The following RADX variants were observed in gnomAD, a reference collection of about 807,000 sequenced individuals.
RADX encodes RPA-related protein RADX.
A neutral mutation model predicts 61.6 loss-of-function variants in RADX; 36 were observed. That is an observed-to-expected ratio of 0.58 (90% CI 0.45 to 0.77). The LOEUF (loss-of-function observed/expected upper bound fraction) is 0.77. RADX is among the 30% of genes least tolerant of loss of function. The pLI is 0.00. For missense variants in RADX, 497 were observed against 651.1 expected, an observed-to-expected ratio of 0.76 and a Z score of 2.58; for synonymous variants, 272 against 237.9, an observed-to-expected ratio of 1.14 and a Z score of -1.32.
intron 13 of RADX, among the ~76,000 whole-genome samples, chrX:106,676,051 A>G (rs751177452): frequency 1.1e-3 from 123 of 112,144 alleles, no homozygotes; most frequent in Middle Eastern, 4.6e-3. Flanking sequence ...AGACTTATTT[A>G]TATTTTATGT....
chrX:106,664,877 T>C lies in RADX; in HGVS notation c.2269+2572T>C, dbSNP rs1301397163. Among the ~76,000 whole-genome samples, 4 of 110,984 alleles carry C rather than the reference T, an allele frequency of 3.6e-5. No homozygotes were observed. In the East Asian group the frequency reaches 1.1e-3, roughly 32 times the overall value. On this transcript the variant is annotated intron_variant, in intron 12 of 13. Coordinates refer to ENST00000372548, the MANE Select transcript of RADX (RefSeq NM_018015.6). ...AAGAACACATCCTGTCCATCAGGTG[T>C]AAAGGAGTAGATTAAAGGTTGAAAA...
At chrX:106,667,221 GA>G (rs1014258634) in intron 12 of RADX, among the ~76,000 whole-genome samples, 1 of 111,915 alleles carries the variant, frequency 8.9e-6, no homozygotes, top group Non-Finnish European at 1.9e-5. Flanking sequence ...GTTATCTGGG[GA>G]AAAACCATTC....
intron 11 of RADX, among the ~76,000 whole-genome samples, chrX:106,649,833 T>C (rs1450429600): frequency 9.0e-6 from 1 of 111,451 alleles, no homozygotes; most frequent in Admixed American, 9.6e-5. Flanking sequence ...ATGGTAAATC[T>C]GGCCGATTGA....
rs548057600 is a variant in RADX at position 106,655,017 on chromosome X, G to A, written c.1978+6631G>A. On this transcript the variant is annotated intron_variant, in intron 11 of 13. Transcript: ENST00000372548. Reference sequence around the variant, plus strand: ...AGTCCTTCCATGGTTAATTGCAGGCGTACCTCAGAGATATTGTGGGTTTGG... The same window carrying A: ...AGTCCTTCCATGGTTAATTGCAGGCATACCTCAGAGATATTGTGGGTTTGG... Among the ~76,000 whole-genome samples, 6 of 111,717 alleles carry A rather than the reference G, an allele frequency of 5.4e-5. No individual in the cohort carries two copies. The South Asian group carries it at 2.3e-3, about 42-fold the overall frequency.
At chrX:106,656,622 G>A (rs1041048954) in intron 11 of RADX, among the ~76,000 whole-genome samples, 1 of 111,729 alleles carries the variant, frequency 9.0e-6, no homozygotes, top group Admixed American at 9.5e-5. Context: ...GAATGGTTTT[G>A]TGTTTGCAGG....
chrX:106,642,183 T>C (rs979213675), intron 10 of RADX, among the ~76,000 whole-genome samples: 1 of 111,274 alleles, frequency 9.0e-6, no homozygotes. Context: ...GATACAAGCA[T>C]ACAATGTGAA....
chrX:106,627,979 G>A (rs1309008197), intron 3 of RADX, among the ~76,000 whole-genome samples: 1 of 111,364 alleles, frequency 9.0e-6, no homozygotes, highest in Non-Finnish European at 1.9e-5. Context: ...GGGATTACAG[G>A]CACACGCCAT....
At chrX:106,651,558 A>G (rs368256316) in intron 11 of RADX, among the ~76,000 whole-genome samples, 1 of 111,646 alleles carries the variant, frequency 9.0e-6, no homozygotes, top group Admixed American at 9.6e-5. Flanking sequence ...AAATAAATAT[A>G]TGCAGTAGAA....
At chrX:106,622,861 T>C in intron 2 of RADX, 68 bp downstream of exon 2, 1 of 598,975 alleles carries the variant, frequency 1.7e-6, no homozygotes, top group Non-Finnish European at 2.5e-6. Flanking sequence ...CCTCACTCCA[T>C]AGTATGATAA....
At chrX:106,619,409 A>T (rs1215264908) in intron 1 of RADX, among the ~76,000 whole-genome samples, 3 of 111,457 alleles carry the variant, frequency 2.7e-5, no homozygotes, top group South Asian at 7.4e-4. Flanking sequence ...TCTTTCTTGT[A>T]CTATTTCTGT....
chrX:106,652,325 A>C (rs1424025593), intron 11 of RADX, among the ~76,000 whole-genome samples: 1 of 110,979 alleles, frequency 9.0e-6, no homozygotes, highest in Non-Finnish European at 1.9e-5. Context: ...ACCAATCTCA[A>C]AAGAAATTTT....
At chrX:106,667,207 T>G (rs1928250840) in intron 12 of RADX, among the ~76,000 whole-genome samples, 1 of 111,619 alleles carries the variant, frequency 9.0e-6, no homozygotes, top group Admixed American at 9.5e-5. Context: ...TTGGGGGAGA[T>G]GTAGTTATCT....
At chrX:106,632,179 A>T (rs1603042055) in intron 3 of RADX, among the ~76,000 whole-genome samples, 1 of 112,288 alleles carries the variant, frequency 8.9e-6, no homozygotes, top group East Asian at 2.8e-4. Flanking sequence ...ATTTTAGTTA[A>T]TAAATTGTAG....
At chrX:106,619,774 T>C (rs1196003998) in intron 1 of RADX, among the ~76,000 whole-genome samples, 1 of 105,252 alleles carries the variant, frequency 9.5e-6, no homozygotes, top group Non-Finnish European at 1.9e-5. Flanking sequence ...TATATTTGTT[T>C]ACATTCTGAG....
intron 13 of RADX, 46 bp downstream of exon 13, chrX:106,669,376 A>T: frequency 1.1e-6 from 1 of 898,187 alleles, no homozygotes; most frequent in Admixed American, 3.0e-5. Flanking sequence ...AAAAAAAATT[A>T]TAAACAGCCC....
intron 11 of RADX, among the ~76,000 whole-genome samples, chrX:106,654,569 C>A (rs1784546806): frequency 9.0e-6 from 1 of 111,153 alleles, no homozygotes; most frequent in East Asian, 2.8e-4. Flanking sequence ...AAAACTTAAA[C>A]TGGACCCCTT....
chrX:106,615,877 A>G (rs1926790233), intron 1 of RADX, among the ~76,000 whole-genome samples: 1 of 111,882 alleles, frequency 8.9e-6, no homozygotes, highest in African/African-American at 3.2e-5. Context: ...CATCTGTCTA[A>G]GTGAATTTGG....
At chrX:106,633,346 A>G in intron 6 of RADX, 94 bp downstream of exon 6, 1 of 748,774 alleles carries the variant, frequency 1.3e-6, no homozygotes, top group Non-Finnish European at 1.9e-6. Context: ...GTAGGGTGAC[A>G]TTGAGTTGGC....
At chrX:106,626,363 A>T (rs1315954159) in intron 3 of RADX, among the ~76,000 whole-genome samples, 1 of 111,942 alleles carries the variant, frequency 8.9e-6, no homozygotes, top group African/African-American at 3.2e-5. Context: ...TATTTATTAA[A>T]ATCTTAAGCG....
Sources: gnomAD v4.1 joint callset for allele counts (sites outside exome capture counted in the v4.1 genomes callset) on GRCh38, gnomAD v4.1.1 for gene constraint, MANE v1.5 for transcripts, NCBI Gene and HGNC (gene_info 2026-07-23, HGNC 2026-07-21) for gene names.